The following WWOX variants were observed in gnomAD, a reference collection of about 807,000 sequenced individuals.
WWOX encodes the protein WW domain-containing oxidoreductase.
A neutral mutation model predicts 46.2 loss-of-function variants in WWOX; 69 were observed. The ratio of observed to expected loss-of-function variants is 1.49; its 90% CI spans 1.23 to 1.82. WWOX has a LOEUF of 1.82. Among genes scored for constraint, WWOX ranks in the 40% most tolerant of loss-of-function variants. WWOX has a pLI of 0.00. For synonymous variants in WWOX, 359 were observed against 202.6 expected, an observed-to-expected ratio of 1.77 and a Z score of -6.56; for missense variants, 919 against 542.6, an observed-to-expected ratio of 1.69 and a Z score of -6.89.
At chr16:79,029,386 C>A (rs965077483) in intron 8 of WWOX, among the ~76,000 whole-genome samples, 3 of 152,160 alleles carry the variant, frequency 2.0e-5, no homozygotes, top group African/African-American at 7.2e-5. Flanking sequence ...ACACAGTAAA[C>A]CCATCATGTC....
intron 5 of WWOX, among the ~76,000 whole-genome samples, chr16:78,358,216 CA>C (rs375469488): frequency 1.3e-5 from 2 of 151,522 alleles, no homozygotes; most frequent in Admixed American, 6.6e-5. Context: ...CTTGTATTTA[CA>C]AAAAAAAGAA....
At position 79,163,816 on chromosome 16, in the gene WWOX, A is replaced by AAAAAAAAG. The variant is rs1294854077; in HGVS notation, c.1057-47791_1057-47790insAAAAAAGA. Among the ~76,000 whole-genome samples the AAAAAAAAG allele has an allele frequency of 4.3e-4, 54 of 124,492 alleles. 1 individual carries two copies. Among genetic ancestry groups the AAAAAAAAG allele is most frequent in the African/African-American group, 1.0e-3 (28 of 27,464 alleles). The allele number at this position is 124,492 out of a possible 152,430, so 81.7% of individuals were successfully genotyped here. On this transcript the variant is annotated intron_variant, in intron 8 of 8. Transcript: ENST00000566780. ...ACCTCAAAAAAAAAAAAAAAAAAAA[A>AAAAAAAAG]AGAGAGAGAGAATAAGGTCAGAGGG...
intron 8 of WWOX, among the ~76,000 whole-genome samples, chr16:79,147,756 G>GT: frequency 6.6e-6 from 1 of 152,192 alleles, no homozygotes; most frequent in East Asian, 1.9e-4. Context: ...TGGTGTTGCA[G>GT]TTTTTTATTT....
rs544108087 is a variant in WWOX at position 78,683,848 on chromosome 16, C to T, written c.1056+251096C>T. On this transcript the variant is annotated intron_variant, in intron 8 of 8. Transcript: ENST00000566780. ...CAGATTTTCTGAGTGTTTAATTCGGCGTCTTTGGTCACAAGGAACAGAGTT... is the reference window on the plus strand; with the variant it reads ...CAGATTTTCTGAGTGTTTAATTCGGTGTCTTTGGTCACAAGGAACAGAGTT... Among the ~76,000 whole-genome samples the T allele has an allele frequency of 3.5e-4, 53 of 152,246 alleles. No individual in the cohort carries two copies. The South Asian group carries it at 4.6e-3, about 13-fold the overall frequency.
intron 8 of WWOX, chr16:79,202,913 C>A (rs1029026319): frequency 6.6e-6 from 1 of 152,166 alleles, no homozygotes; most frequent in African/African-American, 2.4e-5. Flanking sequence ...ATAATATTTG[C>A]ATGATAGAAT....
intron 8 of WWOX, among the ~76,000 whole-genome samples, chr16:78,823,188 G>T (rs1405748730): frequency 6.6e-6 from 1 of 152,212 alleles, no homozygotes; most frequent in African/African-American, 2.4e-5. Flanking sequence ...CAAATCTAAT[G>T]GTGGAAACGG....
chr16:78,739,583 G>T (rs2049167515), intron 8 of WWOX, among the ~76,000 whole-genome samples: 1 of 152,172 alleles, frequency 6.6e-6, no homozygotes, highest in Non-Finnish European at 1.5e-5. Context: ...GGCTGAGGCA[G>T]ATAAATCACC....
At chr16:78,197,729 G>T (rs1317370967) in intron 5 of WWOX, among the ~76,000 whole-genome samples, 1 of 152,150 alleles carries the variant, frequency 6.6e-6, no homozygotes, top group African/African-American at 2.4e-5. Context: ...CCCATGAAAA[G>T]GATGTCATTG....
At chr16:78,521,245 C>T (rs150717457) in intron 8 of WWOX, among the ~76,000 whole-genome samples, 55 of 152,240 alleles carry the variant, frequency 3.6e-4, no homozygotes, top group African/African-American at 1.1e-3. Context: ...TAATTAGAGA[C>T]GGGATCTTGC....
Position 79,140,828 on chromosome 16 carries a change from G to A in WWOX, c.1057-70780G>A, listed in dbSNP as rs184923054. Among the ~76,000 whole-genome samples, 155 of 152,216 alleles carry A rather than the reference G, an allele frequency of 1.0e-3. 1 individual carries two copies. Among genetic ancestry groups the A allele is most frequent in the African/African-American group, 3.5e-3 (147 of 41,518 alleles). ...TACTTCTGAGTAAGTAGGGGGATCC[G>A]GAGAGTCTTCTTGTCACTCAAACAG... On this transcript the variant is annotated intron_variant, in intron 8 of 8. Transcript: ENST00000566780.
intron 6 of WWOX, among the ~76,000 whole-genome samples, chr16:78,413,920 C>T (rs919247909): frequency 3.3e-5 from 5 of 151,740 alleles, no homozygotes; most frequent in Non-Finnish European, 5.9e-5. Context: ...CAAGCTGAGC[C>T]GTCATAACCC....
chr16:78,899,763 T>C (rs2151239961), intron 8 of WWOX: 1 of 152,346 alleles, frequency 6.6e-6, no homozygotes, highest in Middle Eastern at 3.4e-3. Flanking sequence ...AAGAATTGTG[T>C]GCAAAGCAGC....
intron 8 of WWOX, among the ~76,000 whole-genome samples, chr16:78,562,118 A>AT (rs2044454376): frequency 6.6e-6 from 1 of 152,174 alleles, no homozygotes; most frequent in Non-Finnish European, 1.5e-5. Flanking sequence ...GAGTTATCCA[A>AT]ACAAATTGGA....
Position 79,212,265 on chromosome 16 carries a change from T to C in WWOX, c.*469T>C, listed in dbSNP as rs2051790223. 1 of 1,283,978 alleles carries C rather than the reference T, an allele frequency of 7.8e-7. No individual in the cohort carries two copies. The highest frequency in any genetic ancestry group is 1.0e-6 in the Non-Finnish European group (1 of 963,698). The allele number at this position is 1,283,978 out of a possible 1,614,324, so 79.5% of individuals were successfully genotyped here. A position where few individuals can be genotyped will look rare whatever the true frequency, so the allele number is the denominator to read the frequency against. ...ATTGATCCAGGAGATAATTGTTTCA[T>C]TCATCCTGACCAAGACTGAGCCAGC... On this transcript the variant is annotated 3_prime_UTR_variant, in exon 9 of 9. Transcript: ENST00000566780.
intron 8 of WWOX, among the ~76,000 whole-genome samples, chr16:78,668,464 C>G (rs193241680): frequency 6.6e-6 from 1 of 152,296 alleles, no homozygotes; most frequent in African/African-American, 2.4e-5. Context: ...TATATCCACT[C>G]ATCATTCATT....
intron 8 of WWOX, among the ~76,000 whole-genome samples, chr16:79,012,284 G>A (rs776056881): frequency 6.6e-6 from 1 of 152,046 alleles, no homozygotes; most frequent in Non-Finnish European, 1.5e-5. Context: ...CTAGGCTAGA[G>A]TGCAGTGGTG....
intron 6 of WWOX, among the ~76,000 whole-genome samples, chr16:78,389,867 A>C (rs1262187730): frequency 6.6e-6 from 1 of 152,156 alleles, no homozygotes; most frequent in Non-Finnish European, 1.5e-5. Context: ...CTCATGCCTC[A>C]TCCTCCAGAG....
At position 78,859,000 on chromosome 16, in the gene WWOX, TTAAAAAAAAAAAAAA is replaced by T. The variant is rs1428613238; in HGVS notation, c.1057-352607_1057-352593del. Among the ~76,000 whole-genome samples the T allele has an allele frequency of 3.5e-3, 278 of 79,780 alleles. 5 individuals carry two copies. The highest frequency in any genetic ancestry group is 6.9e-3 in the Middle Eastern group (1 of 144). 52.3% of individuals were successfully genotyped at this position (79,780 alleles called of 152,430 possible). On this transcript the variant is annotated intron_variant, in intron 8 of 8. Coordinates refer to ENST00000566780, the MANE Select transcript of WWOX (RefSeq NM_016373.4). ...GGCCAATATCTACTAGTTTTGAAAT[TTAAAAAAAAAAAAAA>T]AAAAAAAAAAAAATATATATATATA...
intron 8 of WWOX, among the ~76,000 whole-genome samples, chr16:78,996,515 C>T (rs530697984): frequency 6.6e-6 from 1 of 152,138 alleles, no homozygotes; most frequent in Admixed American, 6.5e-5. Context: ...TCTCCCTTTC[C>T]CTCTCTCTCC....
Sources: allele counts gnomAD v4.1 joint callset (sites outside exome capture counted in the v4.1 genomes callset), GRCh38; gene constraint gnomAD v4.1.1; transcripts MANE v1.5; gene names NCBI Gene and HGNC (gene_info 2026-07-23, HGNC 2026-07-21).